PRIM2: variants seen among roughly 807,000 people sequenced by gnomAD.
PRIM2 encodes the protein DNA primase subunit 2.
PRIM2 carries 39 observed loss-of-function variants against 67.3 expected under a neutral mutation model. That is an observed-to-expected ratio of 0.58 (90% CI 0.45 to 0.76). The LOEUF (loss-of-function observed/expected upper bound fraction) is 0.76, where lower values mean the gene tolerates loss of function less well. Among genes scored for constraint, PRIM2 ranks in the 30% least tolerant of loss-of-function variants. The pLI, the probability that PRIM2 is intolerant of heterozygous loss-of-function variation, is 0.00. For synonymous variants in PRIM2, 143 were observed against 198.7 expected (o/e 0.72, Z 2.36); for missense variants, 398 against 598.7 (o/e 0.66, Z 3.50).
At chr6:57,241,733 C>T in the PRIM2 span, among the ~76,000 whole-genome samples, 1 of 128,102 alleles carries the variant, frequency 7.8e-6, no homozygotes, top group Non-Finnish European at 1.5e-5. Context: ...AGTGCAGTGG[C>T]ACGATCTCGG....
intron 12 of PRIM2, among the ~76,000 whole-genome samples, chr6:57,612,334 AC>A (rs1776682577): frequency 6.6e-6 from 1 of 152,226 alleles, no homozygotes; most frequent in Non-Finnish European, 1.5e-5. Context: ...ACTAGAAACA[AC>A]CCAGATGTTC....
intron 5 of PRIM2, among the ~76,000 whole-genome samples, chr6:57,375,899 G>A (rs1295238171): frequency 6.6e-6 from 1 of 151,848 alleles, no homozygotes; most frequent in Non-Finnish European, 1.5e-5. Context: ...TAGTAAGACC[G>A]TGTCTCTATA....
chr6:57,284,797 C>T, the PRIM2 span, among the ~76,000 whole-genome samples: 1 of 152,016 alleles, frequency 6.6e-6, no homozygotes, highest in Non-Finnish European at 1.5e-5. Flanking sequence ...ATTGGACAAG[C>T]ATACAAGGAT....
At chr6:57,447,375 C>T (rs1020149640) in intron 7 of PRIM2, among the ~76,000 whole-genome samples, 3 of 152,174 alleles carry the variant, frequency 2.0e-5, no homozygotes, top group African/African-American at 7.2e-5. Context: ...AGTAACACCT[C>T]TGTGGCAATT....
chr6:57,336,601 G>T (rs1222021868), intron 5 of PRIM2, among the ~76,000 whole-genome samples: 2 of 151,880 alleles, frequency 1.3e-5, no homozygotes, highest in Non-Finnish European at 2.9e-5. Flanking sequence ...TTCATATCCA[G>T]CCAAACTAAG....
chr6:57,636,795 A>T (rs1777129760), intron 13 of PRIM2, among the ~76,000 whole-genome samples: 1 of 152,178 alleles, frequency 6.6e-6, no homozygotes, highest in Non-Finnish European at 1.5e-5. Context: ...TCTCCCTGGG[A>T]TGGGGCACAT....
chr6:57,455,407 T>A (rs1248060401), intron 7 of PRIM2, among the ~76,000 whole-genome samples: 1 of 152,194 alleles, frequency 6.6e-6, no homozygotes, highest in East Asian at 1.9e-4. Flanking sequence ...CCCATTATTA[T>A]TGTGTGGTAG....
intron 7 of PRIM2, among the ~76,000 whole-genome samples, chr6:57,428,320 C>T (rs1441389135): frequency 6.6e-6 from 1 of 152,198 alleles, no homozygotes; most frequent in Non-Finnish European, 1.5e-5. Context: ...GACCATCTTA[C>T]TTCCTTGTTT....
intron 7 of PRIM2, among the ~76,000 whole-genome samples, chr6:57,500,887 A>C (rs1409986820): frequency 4.6e-5 from 7 of 152,234 alleles, no homozygotes; most frequent in Non-Finnish European, 1.0e-4. Context: ...AATTGCAAAC[A>C]TGTTAAGTGA....
At chr6:57,231,157 TG>T in the PRIM2 span, among the ~76,000 whole-genome samples, 1 of 152,232 alleles carries the variant, frequency 6.6e-6, no homozygotes, top group Non-Finnish European at 1.5e-5. Flanking sequence ...GAAAGTCCAC[TG>T]GAGACTTTTC....
At chr6:57,634,940 T>G (rs1777094457) in intron 13 of PRIM2, among the ~76,000 whole-genome samples, 1 of 152,164 alleles carries the variant, frequency 6.6e-6, no homozygotes, top group Admixed American at 6.5e-5. Context: ...CACTGTGGAC[T>G]TTTAGATGTG....
intron 5 of PRIM2, among the ~76,000 whole-genome samples, chr6:57,371,445 C>G (rs1769555095): frequency 1.3e-5 from 2 of 152,004 alleles, no homozygotes; most frequent in Admixed American, 1.3e-4. Context: ...TCTGTATGTT[C>G]AAAGATACTA....
chr6:57,576,706 C>T (rs1168988102), intron 10 of PRIM2, among the ~76,000 whole-genome samples: 2 of 149,892 alleles, frequency 1.3e-5, no homozygotes, highest in African/African-American at 2.5e-5. Context: ...TCAGATATTT[C>T]TATAGGGTTT....
chr6:57,550,107 A>G (rs1241281611), intron 10 of PRIM2, among the ~76,000 whole-genome samples: 2 of 152,098 alleles, frequency 1.3e-5, no homozygotes, highest in Non-Finnish European at 2.9e-5. Flanking sequence ...CCCCTCAAAA[A>G]AAAGTTTCTT....
At chr6:57,271,911 G>T in the PRIM2 span, among the ~76,000 whole-genome samples, 1 of 152,224 alleles carries the variant, frequency 6.6e-6, no homozygotes, top group Admixed American at 6.5e-5. Context: ...GGAGCAGGTT[G>T]TTCAGTTTCC....
At chr6:57,399,271 A>G (rs193082489) in intron 7 of PRIM2, among the ~76,000 whole-genome samples, 116 of 152,254 alleles carry the variant, frequency 7.6e-4, no homozygotes, top group Admixed American at 7.4e-3. Flanking sequence ...GTTCCCACCT[A>G]TGAGTGAGAA....
intron 7 of PRIM2, among the ~76,000 whole-genome samples, chr6:57,384,606 G>A (rs1246101190): frequency 2.0e-5 from 3 of 152,094 alleles, no homozygotes; most frequent in South Asian, 4.1e-4. Context: ...GGATAGCCTA[G>A]CCTAAGATCA....
At chr6:57,296,159 T>C in the PRIM2 span, among the ~76,000 whole-genome samples, 2 of 152,252 alleles carry the variant, frequency 1.3e-5, no homozygotes, top group African/African-American at 2.4e-5. Context: ...TCAATAACTC[T>C]GGAAAATAAT....
chr6:57,483,148 T>C, intron 7 of PRIM2, among the ~76,000 whole-genome samples: 1 of 152,150 alleles, frequency 6.6e-6, no homozygotes, highest in East Asian at 1.9e-4. Flanking sequence ...CCTCAGGTGA[T>C]CTACCAGCCT....
Sources: allele counts gnomAD v4.1 joint callset (sites outside exome capture counted in the v4.1 genomes callset), GRCh38; gene constraint gnomAD v4.1.1; transcripts MANE v1.5; gene names NCBI Gene and HGNC (gene_info 2026-07-23, HGNC 2026-07-21).